Variants in ASTN2 observed in about 807,000 individuals in gnomAD.
ASTN2 encodes astrotactin-2.
ASTN2 carries 54 observed loss-of-function variants against 139.8 expected under a neutral mutation model. That is an observed-to-expected ratio of 0.39 (90% CI 0.31 to 0.48). The LOEUF is 0.48. ASTN2 is among the 20% of genes least tolerant of loss of function. ASTN2 has a pLI of 0.95. For missense variants in ASTN2, 1,565 were observed against 1,725.1 expected (o/e 0.91, Z 1.64); for synonymous variants, 756 against 719.5 (o/e 1.05, Z -0.81).
At chr9:116,727,202 A>G (rs1285409702) in intron 15 of ASTN2, among the ~76,000 whole-genome samples, 1 of 152,036 alleles carries the variant, frequency 6.6e-6, no homozygotes, top group African/African-American at 2.4e-5. Context: ...TTAAAGTCGG[A>G]AGCTCTACCT....
At chr9:117,117,447 C>T (rs1330659381) in intron 4 of ASTN2, among the ~76,000 whole-genome samples, 4 of 150,378 alleles carry the variant, frequency 2.7e-5, no homozygotes, top group Non-Finnish European at 5.9e-5. Flanking sequence ...TGTCAACAGG[C>T]TGTTTTAGGA....
At chr9:117,129,778 T>C (rs573322353) in intron 4 of ASTN2, among the ~76,000 whole-genome samples, 2 of 152,264 alleles carry the variant, frequency 1.3e-5, no homozygotes, top group East Asian at 3.9e-4. Flanking sequence ...TCCCAGTAAA[T>C]GGTTTCTTTT....
intron 1 of ASTN2, among the ~76,000 whole-genome samples, chr9:117,338,449 C>T (rs1389623944): frequency 1.3e-5 from 2 of 152,210 alleles, no homozygotes; most frequent in African/African-American, 4.8e-5. Context: ...GCCCTCCTCC[C>T]ATCTTCAAAT....
chr9:116,900,876 C>T (rs1283323461), intron 10 of ASTN2, among the ~76,000 whole-genome samples: 3 of 152,130 alleles, frequency 2.0e-5, no homozygotes, highest in Admixed American at 6.5e-5. Flanking sequence ...TCTCTACGGG[C>T]TTTATTTTAT....
At chr9:116,935,601 C>A (rs946383597) in intron 10 of ASTN2, among the ~76,000 whole-genome samples, 7 of 152,160 alleles carry the variant, frequency 4.6e-5, no homozygotes, top group Non-Finnish European at 1.0e-4. Flanking sequence ...TCCAGTCACA[C>A]AGTCTAAAGC....
At chr9:117,361,251 A>C (rs1267503331) in intron 1 of ASTN2, among the ~76,000 whole-genome samples, 1 of 152,198 alleles carries the variant, frequency 6.6e-6, no homozygotes, top group African/African-American at 2.4e-5. Flanking sequence ...CAGATTGGAG[A>C]GCATTTAATT....
Position 117,251,291 on chromosome 9 carries a change from T to G in ASTN2, c.631-36549A>C, listed in dbSNP as rs143305353. ...TCATAACTTCAAACAAATGCTATTT[T>G]TTTTTTTTAGGTAATGCTTTGTGCG... On this transcript the variant is annotated intron_variant, in intron 2 of 22. Transcript: ENST00000313400. 4.5e-4 allele frequency among the ~76,000 whole-genome samples: 69 copies of G among 152,170 alleles called. 2 individuals are homozygous for G. In the East Asian group the frequency reaches 0.013, roughly 29 times the overall value.
chr9:116,885,642 G>A (rs371181190), intron 10 of ASTN2, among the ~76,000 whole-genome samples: 148 of 152,180 alleles, frequency 9.7e-4, no homozygotes, highest in African/African-American at 3.2e-3. Context: ...CTCCAGCCTG[G>A]GTGACAGAGC....
chr9:117,381,801 A>T (rs1830277911), intron 1 of ASTN2, among the ~76,000 whole-genome samples: 1 of 152,220 alleles, frequency 6.6e-6, no homozygotes, highest in South Asian at 2.1e-4. Context: ...TACACCTTTA[A>T]TAGGGTGAAT....
chr9:116,424,753 T>A lies in ASTN2; in HGVS notation c.*1098A>T, dbSNP rs771795804. 3.3e-5 allele frequency among the ~76,000 whole-genome samples: 5 copies of A among 152,108 alleles called. No homozygotes were observed. The highest frequency in any genetic ancestry group is 7.4e-5 in the Non-Finnish European group (5 of 68,008). On this transcript the variant is annotated 3_prime_UTR_variant, in exon 23 of 23. Coordinates refer to ENST00000313400, the MANE Select transcript of ASTN2 (RefSeq NM_001365068.1). ...CGTGCCACCATGCCCTGCTATTTTT[T>A]ATTTTTTGTATTGTTAGTAGAGACG...
At chr9:116,637,625 T>C (rs982857744) in intron 17 of ASTN2, among the ~76,000 whole-genome samples, 30 of 152,126 alleles carry the variant, frequency 2.0e-4, no homozygotes, top group Admixed American at 3.3e-4. Flanking sequence ...AAGAAATGTA[T>C]AGAAAAATAC....
intron 16 of ASTN2, among the ~76,000 whole-genome samples, chr9:116,709,326 A>G (rs1828078317): frequency 6.6e-6 from 1 of 152,226 alleles, no homozygotes; most frequent in African/African-American, 2.4e-5. Context: ...AAGCCCTTGC[A>G]ATCAACAGAG....
chr9:116,634,295 A>T (rs939354434), intron 17 of ASTN2, among the ~76,000 whole-genome samples: 1 of 151,976 alleles, frequency 6.6e-6, no homozygotes, highest in Admixed American at 6.6e-5. Context: ...AAAGTAACTT[A>T]ATAAGCAAAA....
intron 10 of ASTN2, among the ~76,000 whole-genome samples, chr9:116,940,090 A>T (rs1423287210): frequency 6.6e-6 from 1 of 152,216 alleles, no homozygotes; most frequent in African/African-American, 2.4e-5. Context: ...TTAAGTATTT[A>T]TTCTACTATA....
At chr9:116,809,891 A>T (rs979118571) in intron 12 of ASTN2, among the ~76,000 whole-genome samples, 1 of 152,136 alleles carries the variant, frequency 6.6e-6, no homozygotes, top group Non-Finnish European at 1.5e-5. Flanking sequence ...ATGTAACTGG[A>T]TTCTGAATAA....
intron 13 of ASTN2, among the ~76,000 whole-genome samples, chr9:116,766,790 AAAC>A (rs1442157607): frequency 6.6e-6 from 1 of 151,620 alleles, no homozygotes; most frequent in Non-Finnish European, 1.5e-5. Flanking sequence ...ATATACATCT[AAAC>A]ACACACACAT....
chr9:116,740,062 C>A (rs981456389), intron 13 of ASTN2, among the ~76,000 whole-genome samples: 4 of 152,156 alleles, frequency 2.6e-5, no homozygotes, highest in Admixed American at 6.5e-5. Context: ...GGCCAGGGGC[C>A]ACTGAGTGAG....
chr9:117,257,020 T>C (rs1426722525), intron 2 of ASTN2, among the ~76,000 whole-genome samples: 4 of 152,124 alleles, frequency 2.6e-5, no homozygotes, highest in African/African-American at 7.2e-5. Flanking sequence ...AAGCATTCTT[T>C]GAAATATTTT....
intron 16 of ASTN2, among the ~76,000 whole-genome samples, chr9:116,720,006 C>T (rs1250584705): frequency 6.6e-6 from 1 of 152,146 alleles, no homozygotes; most frequent in Non-Finnish European, 1.5e-5. Flanking sequence ...TTGTTGCCAT[C>T]TTAAAAGCAA....
Sources: allele counts gnomAD v4.1 joint callset (sites outside exome capture counted in the v4.1 genomes callset), GRCh38; gene constraint gnomAD v4.1.1; transcripts MANE v1.5; gene names NCBI Gene and HGNC (gene_info 2026-07-23, HGNC 2026-07-21).